FAT3: variants seen among roughly 807,000 people sequenced by gnomAD.
FAT3 encodes the protein protocadherin Fat 3.
A neutral mutation model predicts 310.2 loss-of-function variants in FAT3; 95 were observed. The ratio of observed to expected loss-of-function variants is 0.31; its 90% CI spans 0.26 to 0.36. The LOEUF (loss-of-function observed/expected upper bound fraction) is 0.36, where lower values mean the gene tolerates loss of function less well. FAT3 is among the 10% of genes least tolerant of loss of function. The probability of loss-of-function intolerance (pLI) is 1.00; values close to 1 mark genes in which losing one functional copy is unlikely to be tolerated. For synonymous variants in FAT3, 2,314 were observed against 2,192.9 expected (o/e 1.06, Z -1.54); for missense variants, 5,408 against 5,715.6 (o/e 0.95, Z 1.74).
At chr11:92,315,016 A>G (rs1044748115) in intron 1 of FAT3, among the ~76,000 whole-genome samples, 1 of 152,020 alleles carries the variant, frequency 6.6e-6, no homozygotes, top group African/African-American at 2.4e-5. Context: ...CTAAATATAC[A>G]TACAGCAGTT....
chr11:92,878,634 T>TAAAAAAAAAA (rs145900689), intron 22 of FAT3, among the ~76,000 whole-genome samples: 11 of 21,210 alleles, frequency 5.2e-4, no homozygotes, highest in African/African-American at 1.1e-3. Context: ...TGTTATGTGT[T>TAAAAAAAAAA]AAAAAAAAAA....
chr11:92,753,461 G>A (rs777302948), intron 4 of FAT3, among the ~76,000 whole-genome samples: 25 of 152,152 alleles, frequency 1.6e-4, no homozygotes, highest in Non-Finnish European at 3.1e-4. Flanking sequence ...GACTTTTTCT[G>A]TATAGCTACA....
In FAT3 at chr11:92,895,936, A is replaced by T. The variant is rs537741523; in HGVS notation, c.*4823A>T. ...GAGGTAACTACACACACACACACAC[A>T]CACAAGGATTTTAGATTTGAAAATG... On this transcript the variant is annotated 3_prime_UTR_variant, in exon 28 of 28. Transcript: ENST00000525166. 9.2e-5 allele frequency: 14 copies of T among 152,064 alleles called. No homozygotes were observed. The highest frequency in any genetic ancestry group is 3.1e-4 in the African/African-American group (13 of 41,458). The allele number at this position is 152,064 out of a possible 1,614,324, so 9.4% of individuals were successfully genotyped here. A position where few individuals can be genotyped will look rare whatever the true frequency, so the allele number is the denominator to read the frequency against.
chr11:92,792,789 A>G lies in FAT3; in HGVS notation c.4634A>G (p.Tyr1545Cys). The stretch of plus-strand genomic sequence containing the variant: ...AAGGTCAGAGATCAGGAGTTTCCTT[A>G]TCGAAGAAACTTGGCCCGAGTCATT... ...NIMVRDQEFP[Y>C]RRNLARVIVN... Residue 1545 changes from tyrosine (Y) to cysteine (C), a missense_variant, in exon 9 of 28, where the codon TAT becomes TGT. By Grantham distance (194) the Tyr-to-Cys change is radical (BLOSUM62 -2). Coordinates refer to ENST00000525166, the MANE Select transcript of FAT3 (RefSeq NM_001367949.2). 1.2e-6 allele frequency: 2 copies of G among 1,613,778 alleles called. No homozygotes were observed. The highest frequency in any genetic ancestry group is 1.7e-6 in the Non-Finnish European group (2 of 1,179,730).
At chr11:92,746,416 C>T (rs867050662) in intron 4 of FAT3, among the ~76,000 whole-genome samples, 30 of 152,102 alleles carry the variant, frequency 2.0e-4, no homozygotes, top group African/African-American at 1.9e-4. Flanking sequence ...TGAGAAACCG[C>T]GCCCATGATT....
chr11:92,234,391 T>C (rs2134236395), intron 1 of FAT3, among the ~76,000 whole-genome samples: 1 of 152,136 alleles, frequency 6.6e-6, no homozygotes, highest in East Asian at 1.9e-4. Context: ...GAGGGGAAAA[T>C]AAAGGGAGAA....
chr11:92,640,687 G>T (rs1240695686), intron 3 of FAT3, among the ~76,000 whole-genome samples: 1 of 152,178 alleles, frequency 6.6e-6, no homozygotes, highest in Admixed American at 6.5e-5. Flanking sequence ...AATGCAGTTA[G>T]TATGAACTCT....
chr11:92,806,454 A>T lies in FAT3; in HGVS notation c.9186A>T (p.Gly3062=). Residue 3062 remains glycine, a synonymous_variant, in exon 12 of 28, where the codon GGA becomes GGT. Coordinates refer to ENST00000525166, the MANE Select transcript of FAT3 (RefSeq NM_001367949.2). ...SAKDADIGSN[G]YIRYSLYGSG... is the part of the protein sequence containing the mutation. Reference sequence around the variant, plus strand: ...AGGATGCTGATATTGGATCCAATGGATATATACGATACTCACTCTATGGAT... The same window carrying T: ...AGGATGCTGATATTGGATCCAATGGTTATATACGATACTCACTCTATGGAT... 1 of 1,577,858 alleles carries T rather than the reference A, an allele frequency of 6.3e-7. No individual in the cohort carries two copies. Among genetic ancestry groups the T allele is most frequent in the South Asian group, 1.2e-5 (1 of 86,230 alleles).
At chr11:92,240,896 G>A (rs1864646731) in intron 1 of FAT3, among the ~76,000 whole-genome samples, 2 of 151,934 alleles carry the variant, frequency 1.3e-5, no homozygotes, top group Non-Finnish European at 2.9e-5. Context: ...CTGTTTTCCA[G>A]TCTATTTTAT....
intron 2 of FAT3, among the ~76,000 whole-genome samples, chr11:92,412,758 T>A (rs10830912): frequency 1.6e-5 from 1 of 61,188 alleles, no homozygotes; most frequent in African/African-American, 4.2e-5. Flanking sequence ...TATACATACA[T>A]ATATATATAT....
chr11:92,682,081 A>G (rs1943497377), intron 3 of FAT3, among the ~76,000 whole-genome samples: 1 of 152,228 alleles, frequency 6.6e-6, no homozygotes, highest in African/African-American at 2.4e-5. Context: ...AAGAATAAGG[A>G]TTCTGGAGTC....
chr11:92,781,318 A>G (rs1946747197), intron 7 of FAT3, among the ~76,000 whole-genome samples: 1 of 151,544 alleles, frequency 6.6e-6, no homozygotes, highest in Admixed American at 6.6e-5. Flanking sequence ...CCTGATCTCA[A>G]GTGATCCACC....
chr11:92,507,508 CAT>C (rs546858070), intron 2 of FAT3, among the ~76,000 whole-genome samples: 1 of 151,430 alleles, frequency 6.6e-6, no homozygotes, highest in African/African-American at 2.4e-5. Flanking sequence ...TATATGTACA[CAT>C]ATATATACAC....
chr11:92,447,215 A>ATGTG (rs369295353), intron 2 of FAT3, among the ~76,000 whole-genome samples: 1 of 123,008 alleles, frequency 8.1e-6, no homozygotes, highest in African/African-American at 3.0e-5. Context: ...GTGTATGTAT[A>ATGTG]TGTGTGCGTG....
chr11:92,805,179 C>G lies in FAT3; in HGVS notation c.8923C>G (p.Leu2975Val), dbSNP rs1181759451. 1 of 1,613,038 alleles carries G rather than the reference C, an allele frequency of 6.2e-7. No homozygotes were observed. The highest frequency in any genetic ancestry group is 1.7e-5 in the Admixed American group (1 of 59,930). ...TGGNPRGRFA[L>V]GLVQSEWKVY... is the part of the protein sequence containing the mutation. ...AGGAAACCCTCGAGGAAGGTTTGCT[C>G]TGGGCCTGGTGCAAAGTGAGTGGAA... Residue 2975 changes from leucine (L) to valine (V), a missense_variant, in exon 11 of 28, where the codon CTG (leucine) becomes GTG (valine). Physicochemically the swap from Leu to Val is conservative, Grantham distance 32. Around this residue, in one of 5 missense-constraint regions of FAT3, gnomAD observed 4,588 missense variants for 4,809.8 expected, o/e 0.95. Transcript: ENST00000525166.
intron 7 of FAT3, among the ~76,000 whole-genome samples, chr11:92,785,001 A>T (rs78732510): frequency 1.2e-4 from 18 of 151,860 alleles, no homozygotes; most frequent in Non-Finnish European, 2.4e-4. Flanking sequence ...CTGCAAATAC[A>T]GTGGAGATAA....
In FAT3 at chr11:92,892,795, A is replaced by G. The variant is rs1382715049; in HGVS notation, c.*1682A>G. 1 of 152,162 alleles carries G rather than the reference A, an allele frequency of 6.6e-6. No homozygotes were observed. Among genetic ancestry groups the G allele is most frequent in the East Asian group, 1.9e-4 (1 of 5,186 alleles). The allele number at this position is 152,162 out of a possible 1,614,324, so 9.4% of individuals were successfully genotyped here. On this transcript the variant is annotated 3_prime_UTR_variant, in exon 28 of 28. Coordinates refer to ENST00000525166, the MANE Select transcript of FAT3 (RefSeq NM_001367949.2). Reference sequence around the variant, plus strand: ...TTAAAAGTGTGTAATGTTTGATTACACCCTGGGATTCCCTTCTCATCTGTG... The same window carrying G: ...TTAAAAGTGTGTAATGTTTGATTACGCCCTGGGATTCCCTTCTCATCTGTG...
intron 13 of FAT3, among the ~76,000 whole-genome samples, chr11:92,819,006 C>T (rs2136230744): frequency 6.6e-6 from 1 of 152,352 alleles, no homozygotes; most frequent in East Asian, 1.9e-4. Context: ...TGCTCCACTT[C>T]AGGCACTGCG....
intron 6 of FAT3, among the ~76,000 whole-genome samples, chr11:92,770,565 T>C (rs1245678301): frequency 1.3e-5 from 2 of 152,130 alleles, no homozygotes; most frequent in African/African-American, 4.8e-5. Flanking sequence ...CCTGAATTCA[T>C]TGAGGTTCGG....
Sources: gnomAD v4.1 joint callset for allele counts (sites outside exome capture counted in the v4.1 genomes callset) on GRCh38, gnomAD v4.1.1 for gene constraint, gnomAD v4.1.1 regional missense constraint, MANE v1.5 for transcripts, NCBI Gene and HGNC (gene_info 2026-07-23, HGNC 2026-07-21) for gene names.